Variants in SAMTOR observed in about 807,000 individuals in gnomAD.
The protein encoded by SAMTOR is UPF0532 protein C7orf60.
the SAMTOR span, among the ~76,000 whole-genome samples, chr7:112,932,277 T>C: frequency 6.6e-6 from 1 of 152,142 alleles, no homozygotes; most frequent in African/African-American, 2.4e-5. Flanking sequence ...TTATACCCAC[T>C]ACAACATCCT....
chr7:112,901,336 AT>A, the SAMTOR span, among the ~76,000 whole-genome samples: 1 of 152,148 alleles, frequency 6.6e-6, no homozygotes, highest in Non-Finnish European at 1.5e-5. Flanking sequence ...ACGAACCCTT[AT>A]TGTGAAATGT....
chr7:112,885,337 C>T, the SAMTOR span, among the ~76,000 whole-genome samples: 1 of 152,216 alleles, frequency 6.6e-6, no homozygotes, highest in South Asian at 2.1e-4. Flanking sequence ...CTGTAGCCAG[C>T]TTGAATTTCT....
At chr7:112,831,734 G>A in the SAMTOR span, among the ~76,000 whole-genome samples, 1 of 152,116 alleles carries the variant, frequency 6.6e-6, no homozygotes, top group Non-Finnish European at 1.5e-5. Context: ...CATAGGAAAT[G>A]TTCTCAAAAG....
At chr7:112,922,528 C>T in the SAMTOR span, among the ~76,000 whole-genome samples, 30 of 151,934 alleles carry the variant, frequency 2.0e-4, no homozygotes, top group African/African-American at 4.1e-4. Context: ...TCTTCCCGGC[C>T]GCCATCCCAT....
At chr7:112,851,512 C>CTGA in the SAMTOR span, among the ~76,000 whole-genome samples, 1 of 152,064 alleles carries the variant, frequency 6.6e-6, no homozygotes, top group African/African-American at 2.4e-5. Flanking sequence ...TGACACTGAA[C>CTGA]TCATATCTCT....
chr7:112,882,333 G>A, the SAMTOR span, among the ~76,000 whole-genome samples: 1 of 152,202 alleles, frequency 6.6e-6, no homozygotes, highest in African/African-American at 2.4e-5. Flanking sequence ...TTGGACAAAG[G>A]CACCACCAGC....
chr7:112,874,144 TC>T, the SAMTOR span, among the ~76,000 whole-genome samples: 2 of 152,088 alleles, frequency 1.3e-5, no homozygotes, highest in Non-Finnish European at 2.9e-5. Context: ...TTGGAGTTTC[TC>T]AGAAAACTAA....
At chr7:112,901,663 CAT>C in the SAMTOR span, among the ~76,000 whole-genome samples, 1 of 152,140 alleles carries the variant, frequency 6.6e-6, no homozygotes, top group East Asian at 1.9e-4. Context: ...GGACTGCTGA[CAT>C]ATACAATGAA....
At chr7:112,920,929 G>T in the SAMTOR span, among the ~76,000 whole-genome samples, 3 of 152,102 alleles carry the variant, frequency 2.0e-5, no homozygotes, top group Non-Finnish European at 4.4e-5. Context: ...ACAAACCACT[G>T]CTCAAGGAAA....
At chr7:112,875,705 A>G in the SAMTOR span, among the ~76,000 whole-genome samples, 2 of 152,096 alleles carry the variant, frequency 1.3e-5, no homozygotes, top group Non-Finnish European at 2.9e-5. Flanking sequence ...GTCACCCTTA[A>G]CATTGCACAA....
At chr7:112,837,361 T>C in the SAMTOR span, among the ~76,000 whole-genome samples, 3 of 152,042 alleles carry the variant, frequency 2.0e-5, no homozygotes, top group East Asian at 1.9e-4. Context: ...TTTCTAGATA[T>C]AGAATCATGT....
At chr7:112,824,583 G>A in the SAMTOR span, among the ~76,000 whole-genome samples, 5 of 151,948 alleles carry the variant, frequency 3.3e-5, no homozygotes, top group East Asian at 1.9e-4. Context: ...GGCTGGTCTC[G>A]AACTGCTGAT....
At chr7:112,908,645 C>A in the SAMTOR span, among the ~76,000 whole-genome samples, 1 of 152,086 alleles carries the variant, frequency 6.6e-6, no homozygotes, top group African/African-American at 2.4e-5. Context: ...ACACTACCAC[C>A]TACAGGGATA....
chr7:112,882,398 TA>T, the SAMTOR span, among the ~76,000 whole-genome samples: 4 of 152,218 alleles, frequency 2.6e-5, no homozygotes, highest in African/African-American at 7.2e-5. Flanking sequence ...GACATTATGT[TA>T]AAAAGACATT....
chr7:112,843,568 T>C, the SAMTOR span, among the ~76,000 whole-genome samples: 1 of 152,012 alleles, frequency 6.6e-6, no homozygotes, highest in Non-Finnish European at 1.5e-5. Context: ...CCTGAACACA[T>C]ATCCCCTTCC....
At chr7:112,873,163 T>C in the SAMTOR span, among the ~76,000 whole-genome samples, 4 of 152,032 alleles carry the variant, frequency 2.6e-5, no homozygotes, top group African/African-American at 7.2e-5. Context: ...ACAGATTCAA[T>C]GCTCTTCCTA....
At chr7:112,836,950 T>A in the SAMTOR span, among the ~76,000 whole-genome samples, 1 of 152,144 alleles carries the variant, frequency 6.6e-6, no homozygotes, top group Non-Finnish European at 1.5e-5. Context: ...CCATATGAAT[T>A]TTAAACTAGT....
the SAMTOR span, among the ~76,000 whole-genome samples, chr7:112,826,733 G>A: frequency 6.6e-6 from 1 of 152,078 alleles, no homozygotes. Flanking sequence ...TAATAAAGGT[G>A]TTTAGTGCTA....
At chr7:112,828,472 T>A in the SAMTOR span, among the ~76,000 whole-genome samples, 1 of 152,142 alleles carries the variant, frequency 6.6e-6, no homozygotes, top group Non-Finnish European at 1.5e-5. Context: ...TGAGTTAAAA[T>A]TTCTCCTTTT....
Sources: gnomAD v4.1 joint callset for allele counts (sites outside exome capture counted in the v4.1 genomes callset) on GRCh38, gnomAD v4.1.1 for gene constraint, MANE v1.5 for transcripts, NCBI Gene and HGNC (gene_info 2026-07-23, HGNC 2026-07-21) for gene names.